ZNF804B: variants seen among roughly 807,000 people sequenced by gnomAD.
The protein encoded by ZNF804B is zinc finger protein 804B, also known as zinc finger 804B.
A neutral mutation model predicts 101.4 loss-of-function variants in ZNF804B; 80 were observed. That is an observed-to-expected ratio of 0.79 (90% CI 0.66 to 0.95). The LOEUF (loss-of-function observed/expected upper bound fraction) is 0.95, where lower values mean the gene tolerates loss of function less well. ZNF804B is among the 40% of genes least tolerant of loss of function. The pLI is 0.00. For synonymous variants in ZNF804B, 622 were observed against 558.8 expected, an observed-to-expected ratio of 1.11 and a Z score of -1.59; for missense variants, 1,673 against 1,561.9, an observed-to-expected ratio of 1.07 and a Z score of -1.20.
intron 1 of ZNF804B, among the ~76,000 whole-genome samples, chr7:88,860,515 A>T (rs1791629966): frequency 6.6e-6 from 1 of 152,222 alleles, no homozygotes; most frequent in South Asian, 2.1e-4. Context: ...ATATTCACAA[A>T]TAAATAATCT....
chr7:88,823,272 A>C (rs1411865739), intron 1 of ZNF804B, among the ~76,000 whole-genome samples: 4 of 152,162 alleles, frequency 2.6e-5, no homozygotes, highest in African/African-American at 9.7e-5. Flanking sequence ...CAGTGAAGTC[A>C]TAGTGCATAT....
At chr7:89,201,462 C>T (rs1282296306) in intron 1 of ZNF804B, among the ~76,000 whole-genome samples, 1 of 151,882 alleles carries the variant, frequency 6.6e-6, no homozygotes, top group Non-Finnish European at 1.5e-5. Flanking sequence ...GAAATATTAC[C>T]TATTAGATAT....
intron 1 of ZNF804B, among the ~76,000 whole-genome samples, chr7:88,881,319 A>G (rs1792026470): frequency 6.6e-6 from 1 of 152,130 alleles, no homozygotes; most frequent in South Asian, 2.1e-4. Context: ...TAAAAATACT[A>G]TGAGATTATA....
At chr7:88,991,114 C>T (rs1793838653) in intron 1 of ZNF804B, among the ~76,000 whole-genome samples, 1 of 152,092 alleles carries the variant, frequency 6.6e-6, no homozygotes, top group Non-Finnish European at 1.5e-5. Context: ...AAAATGTAGT[C>T]ATTCTACTAC....
At chr7:89,125,777 C>T (rs1246042876) in intron 1 of ZNF804B, among the ~76,000 whole-genome samples, 1 of 152,010 alleles carries the variant, frequency 6.6e-6, no homozygotes, top group African/African-American at 2.4e-5. Flanking sequence ...CTGCAACTAA[C>T]TGCAAATTTT....
chr7:89,024,595 T>G (rs2116220927), intron 1 of ZNF804B, among the ~76,000 whole-genome samples: 1 of 107,372 alleles, frequency 9.3e-6, no homozygotes, highest in African/African-American at 4.0e-5. Flanking sequence ...AGAAAGCTAT[T>G]ACTTTTTTTT....
In ZNF804B at chr7:88,845,228, TAGAA is replaced by T. The variant is rs200125586; in HGVS notation, c.108+85147_108+85150del. The stretch of plus-strand genomic sequence containing the variant: ...TCTGTGTAACATTTGGTTTAAAAGG[TAGAA>T]AGGTATAAACAGAATAATAAAAGCA... On this transcript the variant is annotated intron_variant, in intron 1 of 3. Transcript: ENST00000333190. Among the ~76,000 whole-genome samples, 1,503 of 152,136 alleles carry T rather than the reference TAGAA, an allele frequency of 9.9e-3. 20 individuals carry two copies. Among genetic ancestry groups the T allele is most frequent in the Middle Eastern group, 0.024 (7 of 292 alleles).
intron 1 of ZNF804B, among the ~76,000 whole-genome samples, chr7:88,924,556 T>G (rs970343508): frequency 6.6e-6 from 1 of 152,096 alleles, no homozygotes; most frequent in Non-Finnish European, 1.5e-5. Context: ...CCCCCTGCAT[T>G]TACTTCCAGC....
chr7:89,137,834 A>T (rs1443463631), intron 1 of ZNF804B, among the ~76,000 whole-genome samples: 1 of 152,080 alleles, frequency 6.6e-6, no homozygotes, highest in Non-Finnish European at 1.5e-5. Context: ...CAGACAAGGC[A>T]GCACCCCTCA....
At chr7:88,840,740 T>C (rs1393221624) in intron 1 of ZNF804B, among the ~76,000 whole-genome samples, 2 of 152,174 alleles carry the variant, frequency 1.3e-5, no homozygotes, top group Non-Finnish European at 2.9e-5. Context: ...TAATTAGTAT[T>C]GTAGTATTTG....
Position 88,868,048 on chromosome 7 carries a change from AGTGTGTGTGT to A in ZNF804B, c.108+107993_108+108002del, listed in dbSNP as rs34267852. ...CATAATTCTACTGTGTGTGTGTGTG[AGTGTGTGTGT>A]GTGTGTGTGTGTGTGTGTGTGTGTG... On this transcript the variant is annotated intron_variant, in intron 1 of 3. Coordinates refer to ENST00000333190, the MANE Select transcript of ZNF804B (RefSeq NM_181646.5). Among the ~76,000 whole-genome samples, 812 of 142,752 alleles carry A rather than the reference AGTGTGTGTGT, an allele frequency of 5.7e-3. 6 individuals are homozygous for A. Among genetic ancestry groups the A allele is most frequent in the African/African-American group, 0.017 (662 of 38,950 alleles). 93.7% of individuals were successfully genotyped at this position (142,752 alleles called of 152,430 possible).
At chr7:89,073,782 C>T (rs886563298) in intron 1 of ZNF804B, among the ~76,000 whole-genome samples, 1 of 152,072 alleles carries the variant, frequency 6.6e-6, no homozygotes, top group Admixed American at 6.6e-5. Context: ...CTGTGTTTAA[C>T]TTCTGGTCAT....
At position 89,333,594 on chromosome 7, in the gene ZNF804B, G is replaced by A. The variant is rs751955064; in HGVS notation, c.612G>A (p.Leu204=). The A allele has an allele frequency of 1.1e-5, 17 of 1,613,600 alleles. No homozygotes were observed. The highest frequency in any genetic ancestry group is 1.4e-5 in the Non-Finnish European group (16 of 1,179,724). ...DRRCLFGNQV[L]QTSSDLSNAN... ...GTTGTTTGTTTGGAAATCAGGTACT[G>A]CAAACATCTTCAGATCTCAGCAATG... The change falls in exon 4 of 4, where the codon CTG becomes CTA. Residue 204 remains leucine (L), a synonymous_variant. Coordinates refer to ENST00000333190, the MANE Select transcript of ZNF804B (RefSeq NM_181646.5).
intron 2 of ZNF804B, among the ~76,000 whole-genome samples, chr7:89,219,617 T>A (rs1788949901): frequency 6.6e-6 from 1 of 151,536 alleles, no homozygotes; most frequent in Non-Finnish European, 1.5e-5. Context: ...TACTGGCAAT[T>A]TAGGAATGTT....
At chr7:88,970,594 C>T (rs770799350) in intron 1 of ZNF804B, among the ~76,000 whole-genome samples, 185 of 151,132 alleles carry the variant, frequency 1.2e-3, no homozygotes, top group Middle Eastern at 6.8e-3. Context: ...GAAAATTGTA[C>T]AGAATATACA....
chr7:89,303,031 T>G (rs1704986335), intron 2 of ZNF804B, among the ~76,000 whole-genome samples: 1 of 151,960 alleles, frequency 6.6e-6, no homozygotes, highest in South Asian at 2.1e-4. Flanking sequence ...GATCCTGGGC[T>G]GGGAATTACT....
chr7:89,012,948 C>T (rs543880355), intron 1 of ZNF804B, among the ~76,000 whole-genome samples: 1 of 152,242 alleles, frequency 6.6e-6, no homozygotes, highest in East Asian at 1.9e-4. Flanking sequence ...CCTCAGGAAA[C>T]TTAACAATCA....
chr7:88,951,123 G>T (rs1793211166), intron 1 of ZNF804B, among the ~76,000 whole-genome samples: 1 of 151,844 alleles, frequency 6.6e-6, no homozygotes, highest in Admixed American at 6.6e-5. Flanking sequence ...AATATTTGGA[G>T]GACTCTAGCA....
chr7:88,958,404 C>G (rs1169059569), intron 1 of ZNF804B, among the ~76,000 whole-genome samples: 1 of 151,484 alleles, frequency 6.6e-6, no homozygotes, highest in East Asian at 2.0e-4. Flanking sequence ...TACTAAAAGA[C>G]CAAAATCTTT....
Sources: allele counts gnomAD v4.1 joint callset (sites outside exome capture counted in the v4.1 genomes callset), GRCh38; gene constraint gnomAD v4.1.1; transcripts MANE v1.5; gene names NCBI Gene and HGNC (gene_info 2026-07-23, HGNC 2026-07-21).